NCKAP5: variants seen among roughly 807,000 people sequenced by gnomAD.
NCKAP5 encodes NCK associated protein 5, also known as nck-associated protein 5.
In NCKAP5, 92 loss-of-function variants were observed where a neutral mutation model predicts 167.0. That is an observed-to-expected ratio of 0.55 (90% CI 0.47 to 0.66). The LOEUF (loss-of-function observed/expected upper bound fraction) is 0.66, where lower values mean the gene tolerates loss of function less well. NCKAP5 is among the 30% of genes least tolerant of loss of function. The pLI, the probability that NCKAP5 is intolerant of heterozygous loss-of-function variation, is 0.00. For missense variants in NCKAP5, 2,378 were observed against 2,315.0 expected, an observed-to-expected ratio of 1.03 and a Z score of -0.56; for synonymous variants, 891 against 877.4, an observed-to-expected ratio of 1.02 and a Z score of -0.27.
intron 3 of NCKAP5, among the ~76,000 whole-genome samples, chr2:133,415,691 C>T (rs886712698): frequency 2.6e-5 from 4 of 152,232 alleles, no homozygotes; most frequent in African/African-American, 9.6e-5. Context: ...ACTCCAATCC[C>T]CAACATAGAG....
At chr2:133,126,453 G>A (rs1018480724) in intron 6 of NCKAP5, among the ~76,000 whole-genome samples, 9 of 152,148 alleles carry the variant, frequency 5.9e-5, no homozygotes, top group East Asian at 3.9e-4. Flanking sequence ...CCAGAGTACC[G>A]GAGTAGTTCC....
chr2:133,395,297 G>A (rs1036883590), intron 3 of NCKAP5, among the ~76,000 whole-genome samples: 1 of 152,126 alleles, frequency 6.6e-6, no homozygotes, highest in African/African-American at 2.4e-5. Flanking sequence ...TCCTATTCAC[G>A]GAAACACCCT....
chr2:133,346,632 G>T (rs1337825966), intron 3 of NCKAP5, among the ~76,000 whole-genome samples: 3 of 152,218 alleles, frequency 2.0e-5, no homozygotes, highest in African/African-American at 7.2e-5. Flanking sequence ...CAGAGCATGT[G>T]TTCGCAAAGT....
At chr2:133,584,422 T>C in the NCKAP5 span, among the ~76,000 whole-genome samples, 3 of 152,178 alleles carry the variant, frequency 2.0e-5, no homozygotes, top group South Asian at 2.1e-4. Context: ...CACATTTGTA[T>C]AGATACCTGG....
chr2:133,476,590 T>A (rs1208055031), intron 3 of NCKAP5, among the ~76,000 whole-genome samples: 2 of 152,172 alleles, frequency 1.3e-5, no homozygotes, highest in African/African-American at 4.8e-5. Context: ...GAGAAGCTAA[T>A]CTCCATGCTT....
intron 19 of NCKAP5, among the ~76,000 whole-genome samples, chr2:132,686,334 G>C (rs1685930757): frequency 6.6e-6 from 1 of 152,102 alleles, no homozygotes; most frequent in Non-Finnish European, 1.5e-5. Flanking sequence ...CACCTTTTAG[G>C]ATGGCCAACA....
chr2:133,093,463 A>G (rs1345542525), intron 6 of NCKAP5, among the ~76,000 whole-genome samples: 1 of 152,250 alleles, frequency 6.6e-6, no homozygotes, highest in African/African-American at 2.4e-5. Context: ...TGACTTCTGC[A>G]CAAAACTCAA....
At chr2:133,014,063 C>T (rs2149370606) in intron 6 of NCKAP5, among the ~76,000 whole-genome samples, 1 of 152,334 alleles carries the variant, frequency 6.6e-6, no homozygotes, top group East Asian at 1.9e-4. Context: ...GTCACTCCAT[C>T]ATCCTCACCC....
At chr2:133,275,660 T>C (rs891700313) in intron 4 of NCKAP5, among the ~76,000 whole-genome samples, 8 of 151,832 alleles carry the variant, frequency 5.3e-5, no homozygotes, top group African/African-American at 9.7e-5. Flanking sequence ...TACAGAAAAA[T>C]TGGCAGTCCT....
At chr2:133,557,655 A>G (rs1426617580) in intron 2 of NCKAP5, among the ~76,000 whole-genome samples, 2 of 152,242 alleles carry the variant, frequency 1.3e-5, no homozygotes, top group Non-Finnish European at 2.9e-5. Flanking sequence ...ATCAAAGGAG[A>G]AAGACAATTA....
At chr2:133,353,476 A>G (rs1453527737) in intron 3 of NCKAP5, among the ~76,000 whole-genome samples, 1 of 152,164 alleles carries the variant, frequency 6.6e-6, no homozygotes, top group Admixed American at 6.5e-5. Context: ...TCAATTTGAT[A>G]TAGACAGGAG....
intron 8 of NCKAP5, among the ~76,000 whole-genome samples, chr2:132,960,187 T>C (rs1473225003): frequency 6.6e-6 from 1 of 152,182 alleles, no homozygotes; most frequent in Admixed American, 6.5e-5. Context: ...CTGTTGGCCC[T>C]GGAGGCGTTT....
chr2:133,613,376 T>C, the NCKAP5 span, among the ~76,000 whole-genome samples: 2 of 152,202 alleles, frequency 1.3e-5, no homozygotes, highest in Admixed American at 1.3e-4. Context: ...AGACTGTTTA[T>C]CCTCCATCAG....
intron 11 of NCKAP5, among the ~76,000 whole-genome samples, chr2:132,806,021 A>C (rs550602558): frequency 1.3e-5 from 2 of 152,108 alleles, no homozygotes; most frequent in African/African-American, 4.8e-5. Flanking sequence ...GTGAGAACAT[A>C]GGATATTTGG....
intron 3 of NCKAP5, among the ~76,000 whole-genome samples, chr2:133,364,539 G>A (rs879636906): frequency 6.6e-5 from 10 of 151,938 alleles, no homozygotes; most frequent in Non-Finnish European, 1.2e-4. Flanking sequence ...TCCTTCATTC[G>A]CTAACAGTTC....
chr2:132,864,112 A>G (rs182288576), intron 10 of NCKAP5, among the ~76,000 whole-genome samples: 2 of 152,268 alleles, frequency 1.3e-5, no homozygotes, highest in Admixed American at 1.3e-4. Context: ...TTTAGAAACA[A>G]AAGAACTCTC....
At chr2:132,775,585 C>G (rs1289695764) in intron 15 of NCKAP5, among the ~76,000 whole-genome samples, 1 of 152,166 alleles carries the variant, frequency 6.6e-6, no homozygotes, top group Non-Finnish European at 1.5e-5. Flanking sequence ...ATTAACTGAC[C>G]GTGTTCTAGC....
At chr2:133,498,435 G>A (rs537500889) in intron 3 of NCKAP5, among the ~76,000 whole-genome samples, 9 of 81,886 alleles carry the variant, frequency 1.1e-4, no homozygotes, top group African/African-American at 5.6e-4. Context: ...GAGAAAAACG[G>A]AAGGAAGGAA....
At position 132,676,310 on chromosome 2, in the gene NCKAP5, T is replaced by C. The variant is rs913664089; in HGVS notation, c.5714-3005A>G. Among the ~76,000 whole-genome samples the C allele has an allele frequency of 1.4e-3, 193 of 137,502 alleles. 1 individual carries two copies. Among genetic ancestry groups the C allele is most frequent in the South Asian group, 2.6e-3 (11 of 4,212 alleles). 90.2% of individuals were successfully genotyped at this position (137,502 alleles called of 152,430 possible). ...TTTTTTTTTTTTTTTTTTTTTTTTTTTGCAGTGTCCTACTTCACCTCATCC... is the reference window on the plus strand; with the variant it reads ...TTTTTTTTTTTTTTTTTTTTTTTTTCTGCAGTGTCCTACTTCACCTCATCC... On this transcript the variant is annotated intron_variant, in intron 19 of 19. Coordinates refer to ENST00000409261, the MANE Select transcript of NCKAP5 (RefSeq NM_207363.3).
Sources: allele counts gnomAD v4.1 joint callset (sites outside exome capture counted in the v4.1 genomes callset), GRCh38; gene constraint gnomAD v4.1.1; transcripts MANE v1.5; gene names NCBI Gene and HGNC (gene_info 2026-07-23, HGNC 2026-07-21).